Variants in NDC1 observed in about 807,000 individuals in gnomAD.
NDC1 encodes the protein NDC1 transmembrane nucleoporin.
In NDC1, 24 loss-of-function variants were observed where a neutral mutation model predicts 89.8. That is an observed-to-expected ratio of 0.27 (90% CI 0.19 to 0.38). The LOEUF (loss-of-function observed/expected upper bound fraction) is 0.38. NDC1 is among the 10% of genes least tolerant of loss of function. The probability of loss-of-function intolerance (pLI) is 1.00; values close to 1 mark genes in which losing one functional copy is unlikely to be tolerated. For missense variants in NDC1, 728 were observed against 797.6 expected, an observed-to-expected ratio of 0.91 and a Z score of 1.05; for synonymous variants, 296 against 284.8, an observed-to-expected ratio of 1.04 and a Z score of -0.39.
chr1:53,802,037 T>G (rs13376705), intron 10 of NDC1, among the ~76,000 whole-genome samples: 155 of 152,222 alleles, frequency 1.0e-3, no homozygotes, highest in African/African-American at 3.6e-3. Flanking sequence ...GCTGCGTCCA[T>G]CCAATTAAAT....
chr1:53,777,048 G>A (rs563829701), intron 16 of NDC1, among the ~76,000 whole-genome samples: 1 of 150,422 alleles, frequency 6.6e-6, no homozygotes, highest in South Asian at 2.1e-4. Context: ...TTTTTTTAGA[G>A]ACAGGGTCTC....
chr1:53,802,981 CA>C (rs1647972458), intron 10 of NDC1, among the ~76,000 whole-genome samples: 1 of 152,090 alleles, frequency 6.6e-6, no homozygotes, highest in Admixed American at 6.5e-5. Flanking sequence ...TTATTTAAGC[CA>C]ATCTCTGAGA....
intron 16 of NDC1, among the ~76,000 whole-genome samples, chr1:53,775,337 A>C (rs1216547547): frequency 1.3e-5 from 2 of 149,132 alleles, no homozygotes; most frequent in Non-Finnish European, 3.0e-5. Flanking sequence ...GCTCACTGCA[A>C]CCTCTGCCTC....
intron 9 of NDC1, among the ~76,000 whole-genome samples, chr1:53,805,187 TTC>T (rs1648059195): frequency 6.6e-6 from 1 of 152,190 alleles, no homozygotes; most frequent in African/African-American, 2.4e-5. Context: ...CTTTTAGCAT[TTC>T]TGTTTGTTTG....
intron 5 of NDC1, among the ~76,000 whole-genome samples, chr1:53,824,251 GAAAA>G (rs1468237757): frequency 7.2e-6 from 1 of 138,338 alleles, no homozygotes; most frequent in African/African-American, 2.7e-5. Flanking sequence ...AAAAAAAAAA[GAAAA>G]AAGAAAAAGA....
intron 17 of NDC1, among the ~76,000 whole-genome samples, chr1:53,770,779 C>T (rs113678441): frequency 2.1e-3 from 314 of 151,776 alleles, no homozygotes; most frequent in African/African-American, 7.2e-3. Flanking sequence ...CTCAGCCTCC[C>T]GAGTAGCTGG....
At chr1:53,791,633 A>G (rs530807969) in intron 14 of NDC1, among the ~76,000 whole-genome samples, 2 of 152,166 alleles carry the variant, frequency 1.3e-5, no homozygotes, top group African/African-American at 4.8e-5. Flanking sequence ...ATTAAGTTAC[A>G]TTTTTTAACA....
intron 10 of NDC1, among the ~76,000 whole-genome samples, chr1:53,802,702 C>T (rs1011274932): frequency 6.6e-6 from 1 of 152,140 alleles, no homozygotes; most frequent in Admixed American, 6.5e-5. Flanking sequence ...AAAGGCTACC[C>T]AGGTTCTCTG....
chr1:53,801,500 GTTA>G (rs1354984910), intron 10 of NDC1, among the ~76,000 whole-genome samples: 1 of 152,164 alleles, frequency 6.6e-6, no homozygotes, highest in Non-Finnish European at 1.5e-5. Context: ...GTCGCCTAGA[GTTA>G]TTATATAAAA....
At chr1:53,822,314 A>T (rs1453161315) in intron 5 of NDC1, among the ~76,000 whole-genome samples, 1 of 152,178 alleles carries the variant, frequency 6.6e-6, no homozygotes, top group Non-Finnish European at 1.5e-5. Flanking sequence ...GGCCTGGGCG[A>T]CAAGAGCAAA....
Position 53,806,420 on chromosome 1 carries a change from G to T in NDC1, c.984+5C>A. ...GTGTGAAGATATGCAACACAGTTTG[G>T]ATACCTTTATGATGGGGGGAGGATT... On this transcript the variant is annotated splice_donor_5th_base_variant and intron_variant, in intron 9 of 17. Coordinates refer to ENST00000371429, the MANE Select transcript of NDC1 (RefSeq NM_018087.5). 1 of 1,517,116 alleles carries T rather than the reference G, an allele frequency of 6.6e-7. No homozygotes were observed. The highest frequency in any genetic ancestry group is 8.8e-7 in the Non-Finnish European group (1 of 1,138,022). 94.0% of individuals were successfully genotyped at this position (1,517,116 alleles called of 1,614,324 possible).
rs115972953 is a variant in NDC1 at position 53,810,827 on chromosome 1, T to C, written c.704-1081A>G. 2.1e-3 allele frequency among the ~76,000 whole-genome samples: 326 copies of C among 152,256 alleles called. 1 individual carries two copies. The highest frequency in any genetic ancestry group is 7.6e-3 in the African/African-American group (317 of 41,532). ...AAACAGGGCAGCTTGCAGATGCTTG[T>C]GTTGTGATTTTTAGCTCCAGATCGA... On this transcript the variant is annotated intron_variant, in intron 6 of 17. Coordinates refer to ENST00000371429, the MANE Select transcript of NDC1 (RefSeq NM_018087.5).
At chr1:53,793,988 T>C (rs1441441200) in intron 13 of NDC1, among the ~76,000 whole-genome samples, 1 of 151,880 alleles carries the variant, frequency 6.6e-6, no homozygotes, top group Non-Finnish European at 1.5e-5. Context: ...AAATCTTTTT[T>C]TTTTTGAGAC....
At chr1:53,779,703 A>T (rs895544334) in intron 16 of NDC1, among the ~76,000 whole-genome samples, 3 of 152,240 alleles carry the variant, frequency 2.0e-5, no homozygotes, top group African/African-American at 7.2e-5. Context: ...GTACTCACAC[A>T]GAAAATAGTT....
intron 16 of NDC1, among the ~76,000 whole-genome samples, chr1:53,781,165 T>G (rs1647203951): frequency 6.6e-6 from 1 of 152,152 alleles, no homozygotes; most frequent in African/African-American, 2.4e-5. Flanking sequence ...CAAAAAAATT[T>G]TAATTATAAA....
At chr1:53,833,687 GT>G (rs1317821660) in intron 2 of NDC1, among the ~76,000 whole-genome samples, 2 of 151,870 alleles carry the variant, frequency 1.3e-5, no homozygotes, top group African/African-American at 4.8e-5. Context: ...TTTTAGAGTA[GT>G]TCAACAATCG....
chr1:53,786,678 C>A (rs1037443815), intron 16 of NDC1, among the ~76,000 whole-genome samples: 3 of 152,040 alleles, frequency 2.0e-5, no homozygotes, highest in Non-Finnish European at 4.4e-5. Flanking sequence ...TAAAAGTTTT[C>A]TCTTCCAAAC....
In NDC1 at chr1:53,822,511, ACTGGTAAACTG is replaced by A. The variant is rs200569541; in HGVS notation, c.594+3276_594+3286del. 4.6e-3 allele frequency among the ~76,000 whole-genome samples: 694 copies of A among 152,030 alleles called. 8 individuals carry two copies. Among genetic ancestry groups the A allele is most frequent in the Middle Eastern group, 0.01 (3 of 292 alleles). On this transcript the variant is annotated intron_variant, in intron 5 of 17. Coordinates refer to ENST00000371429, the MANE Select transcript of NDC1 (RefSeq NM_018087.5). ...TATATACTAAACTGGTAGCAGTTTA[ACTGGTAAACTG>A]CTACCAGTTTAGTGTATATCCTTTA...
chr1:53,788,372 G>A (rs28600862), intron 15 of NDC1, among the ~76,000 whole-genome samples: 2,359 of 151,994 alleles, frequency 0.016, 67 homozygotes, highest in African/African-American at 0.053. Flanking sequence ...AAGGCAGGAA[G>A]ATCACTTGAG....
Sources: allele counts gnomAD v4.1 joint callset (sites outside exome capture counted in the v4.1 genomes callset), GRCh38; gene constraint gnomAD v4.1.1; transcripts MANE v1.5; gene names NCBI Gene and HGNC (gene_info 2026-07-23, HGNC 2026-07-21).